The following BLK variants were observed in gnomAD, a reference collection of about 807,000 sequenced individuals.
The protein encoded by BLK is tyrosine-protein kinase Blk.
A neutral mutation model predicts 61.8 loss-of-function variants in BLK; 64 were observed. That is an observed-to-expected ratio of 1.03 (90% CI 0.85 to 1.27). The LOEUF (loss-of-function observed/expected upper bound fraction) is 1.27, where lower values mean the gene tolerates loss of function less well. Among genes scored for constraint, BLK ranks in the 50% most tolerant of loss-of-function variants. BLK has a pLI of 0.00. For synonymous variants in BLK, 351 were observed against 272.0 expected (o/e 1.29, Z -2.86); for missense variants, 853 against 660.5 (o/e 1.29, Z -3.19).
intron 1 of BLK, among the ~76,000 whole-genome samples, chr8:11,534,422 C>G (rs1322310941): frequency 6.6e-6 from 1 of 152,066 alleles, no homozygotes. Flanking sequence ...AAAATTCACT[C>G]ACATAAAGGA....
intron 3 of BLK, among the ~76,000 whole-genome samples, chr8:11,547,758 G>A (rs1429821467): frequency 4.6e-5 from 7 of 152,110 alleles, no homozygotes; most frequent in African/African-American, 1.7e-4. Context: ...CTGCCTCCCT[G>A]TGGCTGACCT....
At chr8:11,524,378 A>G (rs1799567776) in intron 1 of BLK, among the ~76,000 whole-genome samples, 1 of 152,172 alleles carries the variant, frequency 6.6e-6, no homozygotes, top group Admixed American at 6.5e-5. Context: ...GTAGATGAGA[A>G]TTTTCTAATT....
intron 1 of BLK, among the ~76,000 whole-genome samples, chr8:11,534,138 A>G (rs1017001449): frequency 6.6e-6 from 1 of 152,248 alleles, no homozygotes; most frequent in African/African-American, 2.4e-5. Flanking sequence ...TGCTGGTTAA[A>G]ATACAAACTG....
At chr8:11,542,459 C>G (rs1051747390) in intron 1 of BLK, among the ~76,000 whole-genome samples, 1 of 152,204 alleles carries the variant, frequency 6.6e-6, no homozygotes, top group South Asian at 2.1e-4. Flanking sequence ...TCAGACTGGA[C>G]TCCAGAGCTG....
chr8:11,496,917 C>T (rs1450091405), intron 1 of BLK, among the ~76,000 whole-genome samples: 1 of 152,132 alleles, frequency 6.6e-6, no homozygotes, highest in Non-Finnish European at 1.5e-5. Context: ...AGGATTCTGA[C>T]CTTGTGAGCC....
rs1436348478 is a variant in BLK, at chr8:11,516,999, T to C, written c.-2+22408T>C. ...TGTTTAATTTGTCGAGGAGACTCCA[T>C]ACAGGACTTTGAATTTTACTCTGAA... On this transcript the variant is annotated intron_variant, in intron 1 of 12. Coordinates refer to ENST00000259089, the MANE Select transcript of BLK (RefSeq NM_001715.3). Among the ~76,000 whole-genome samples the C allele has an allele frequency of 3.3e-5, 5 of 152,346 alleles. No individual in the cohort carries two copies. In the South Asian group the frequency reaches 6.2e-4, roughly 19 times the overall value.
chr8:11,507,095 T>A (rs2117268740), intron 1 of BLK, among the ~76,000 whole-genome samples: 1 of 152,340 alleles, frequency 6.6e-6, no homozygotes, highest in East Asian at 1.9e-4. Context: ...TGTGTAAGCA[T>A]CACTGAGCTT....
chr8:11,564,275 C>A lies in BLK; in HGVS notation c.*167C>A. ...CAGGGGGTCCCCGGACGGACTCCTT[C>A]ACCGACTGCACCCCCGGGCGAGTTA... On this transcript the variant is annotated 3_prime_UTR_variant, in exon 13 of 13. Coordinates refer to ENST00000259089, the MANE Select transcript of BLK (RefSeq NM_001715.3). 1.2e-6 allele frequency: 1 copy of A among 823,164 alleles called. No individual in the cohort carries two copies. Among genetic ancestry groups the A allele is most frequent in the Non-Finnish European group, 2.0e-6 (1 of 498,504 alleles). The allele number at this position is 823,164 out of a possible 1,614,324, so 51.0% of individuals were successfully genotyped here.
rs964440963 is a variant in BLK, at chr8:11,524,352, AT to A, written c.-1-18864del. ...TCCATTGGTGGTAGGGTTGTAACTG[AT>A]TTTTTTTCCTTTGCGTAGATGAGAA... On this transcript the variant is annotated intron_variant, in intron 1 of 12. Transcript: ENST00000259089. Among the ~76,000 whole-genome samples, 8 of 151,978 alleles carry A rather than the reference AT, an allele frequency of 5.3e-5. No individual in the cohort carries two copies. In the South Asian group the frequency reaches 6.2e-4, roughly 12 times the overall value.
intron 1 of BLK, among the ~76,000 whole-genome samples, chr8:11,533,919 G>A (rs1800005055): frequency 6.6e-6 from 1 of 152,266 alleles, no homozygotes; most frequent in African/African-American, 2.4e-5. Context: ...CATTATTTAT[G>A]GGAGACTCAA....
chr8:11,542,363 G>A (rs144351685), intron 1 of BLK, among the ~76,000 whole-genome samples: 13 of 152,328 alleles, frequency 8.5e-5, no homozygotes, highest in South Asian at 4.1e-4. Flanking sequence ...CTTCTGACAC[G>A]CGTGGGGACT....
intron 1 of BLK, among the ~76,000 whole-genome samples, chr8:11,504,086 G>C (rs1798666545): frequency 6.6e-6 from 1 of 152,156 alleles, no homozygotes; most frequent in African/African-American, 2.4e-5. Context: ...TACTTTGGGA[G>C]GCCGAGGCAG....
chr8:11,541,899 A>AT (rs1311979814), intron 1 of BLK, among the ~76,000 whole-genome samples: 2 of 152,200 alleles, frequency 1.3e-5, no homozygotes, highest in Non-Finnish European at 2.9e-5. Context: ...GGTAAAGCTG[A>AT]TCTGAGCTCA....
intron 1 of BLK, among the ~76,000 whole-genome samples, chr8:11,497,025 A>C (rs1253815891): frequency 6.6e-6 from 1 of 152,138 alleles, no homozygotes; most frequent in Non-Finnish European, 1.5e-5. Context: ...ACAGCAAGAC[A>C]GAGAAACCTG....
chr8:11,543,362 A>C lies in BLK; in HGVS notation c.123+15A>C. Reference sequence around the variant, plus strand: ...TGCCGCCCCTGGTGAGTGATTGCCCACCCCCACCAAGAGCAGATTACTTAC... The same window carrying C: ...TGCCGCCCCTGGTGAGTGATTGCCCCCCCCCACCAAGAGCAGATTACTTAC... On this transcript the variant is annotated intron_variant, in intron 2 of 12. Transcript: ENST00000259089. 1 of 1,611,652 alleles carries C rather than the reference A, an allele frequency of 6.2e-7. No individual in the cohort carries two copies. The highest frequency in any genetic ancestry group is 1.3e-5 in the African/African-American group (1 of 74,948).
At chr8:11,514,971 G>C (rs1344951791) in intron 1 of BLK, among the ~76,000 whole-genome samples, 2 of 152,122 alleles carry the variant, frequency 1.3e-5, no homozygotes, top group Non-Finnish European at 2.9e-5. Flanking sequence ...CTCCAGGGTT[G>C]AGGCACGCAC....
rs1010571742 is a variant in BLK, at chr8:11,548,123, G to A, written c.267G>A (p.Lys89=). 3 of 1,612,426 alleles carry A rather than the reference G, an allele frequency of 1.9e-6. No individual in the cohort carries two copies. In the Admixed American group the frequency reaches 5.0e-5, roughly 27 times the overall value. The change falls in exon 4 of 13, where the codon AAG becomes AAA. Residue 89 remains lysine (K), a splice_region_variant and synonymous_variant. Coordinates refer to ENST00000259089, the MANE Select transcript of BLK (RefSeq NM_001715.3). ...AGGGGGAGAAGCTACAGGTCCTGAAGGGGTGAGGTTCCAGGACACCATCCC... is the reference window on the plus strand; with the variant it reads ...AGGGGGAGAAGCTACAGGTCCTGAAAGGGTGAGGTTCCAGGACACCATCCC... ...MLKGEKLQVL[K]GTGDWWLARS...
chr8:11,562,787 C>T (rs1021187354), intron 11 of BLK, among the ~76,000 whole-genome samples, 192 bp from the exon 12 acceptor site: 7 of 152,194 alleles, frequency 4.6e-5, no homozygotes, highest in African/African-American at 1.4e-4. Context: ...CTGCTGATGT[C>T]GTGTCTGCAC....
intron 1 of BLK, chr8:11,509,057 G>C (rs961302942): frequency 6.6e-6 from 1 of 152,220 alleles, no homozygotes; most frequent in East Asian, 1.9e-4. Context: ...CTATTACTTA[G>C]GAGGCATCAC....
Sources: allele counts gnomAD v4.1 joint callset (sites outside exome capture counted in the v4.1 genomes callset), GRCh38; gene constraint gnomAD v4.1.1; transcripts MANE v1.5; gene names NCBI Gene and HGNC (gene_info 2026-07-23, HGNC 2026-07-21).